The following ZFP64 variants were observed in gnomAD, a reference collection of about 807,000 sequenced individuals.
The protein encoded by ZFP64 is zinc finger protein 64.
ZFP64 carries 14 observed loss-of-function variants against 51.6 expected under a neutral mutation model. The observed-to-expected ratio is 0.27, with a 90% CI of 0.18 to 0.42. ZFP64 has a LOEUF of 0.42. ZFP64 is among the 10% of genes least tolerant of loss of function. The pLI is 1.00. For missense variants in ZFP64, 754 were observed against 906.8 expected (o/e 0.83, Z 2.16); for synonymous variants, 375 against 361.4 (o/e 1.04, Z -0.43).
chr20:52,148,374 G>A (rs1353278863), downstream of ZFP64, among the ~76,000 whole-genome samples: 11 of 152,160 alleles, frequency 7.2e-5, no homozygotes, highest in African/African-American at 4.8e-5. Context: ...TTTAACAAAT[G>A]GTCCTGGCAT....
intron 5 of ZFP64, among the ~76,000 whole-genome samples, chr20:52,136,324 G>A (rs1395968763): frequency 2.6e-5 from 4 of 152,156 alleles, no homozygotes; most frequent in Admixed American, 2.6e-4. Flanking sequence ...CAGCATCAAT[G>A]TTGAGAAGGC....
chr20:52,141,233 G>C (rs1193805507), intron 5 of ZFP64, among the ~76,000 whole-genome samples: 4 of 152,056 alleles, frequency 2.6e-5, no homozygotes, highest in African/African-American at 9.7e-5. Flanking sequence ...TGGATGAGGG[G>C]GTAATTTTGA....
intron 5 of ZFP64, chr20:52,105,448 C>G: frequency 9.5e-7 from 1 of 1,049,154 alleles, no homozygotes; most frequent in Non-Finnish European, 1.2e-6. Flanking sequence ...CGGTCCGCTC[C>G]CGGGCAGCCC....
chr20:52,145,854 T>C (rs1484383010), intron 5 of ZFP64, among the ~76,000 whole-genome samples: 1 of 152,132 alleles, frequency 6.6e-6, no homozygotes, highest in Non-Finnish European at 1.5e-5. Context: ...TAGACTACTC[T>C]AAATTTATTA....
At position 52,153,683 on chromosome 20, in the gene ZFP64, A is replaced by G. The variant is rs1475126306; in HGVS notation, c.764-255T>C. 2.6e-5 allele frequency among the ~76,000 whole-genome samples: 4 copies of G among 152,264 alleles called. No individual in the cohort carries two copies. Among genetic ancestry groups the G allele is most frequent in the Admixed American group, 2.6e-4 (4 of 15,294 alleles). On this transcript the variant is annotated intron_variant, in intron 5 of 5. Coordinates refer to ENST00000216923, the MANE Select transcript of ZFP64 (RefSeq NM_018197.3). The surrounding 1 kb of genome is among the most constrained non-coding windows in gnomAD (Gnocchi z 5.1). ...GAAAAGAGCAATTTAATTGTCCCAGATAAAATAAGATTTACAAGTATACTT... is the reference window on the plus strand; with the variant it reads ...GAAAAGAGCAATTTAATTGTCCCAGGTAAAATAAGATTTACAAGTATACTT...
intron 5 of ZFP64, among the ~76,000 whole-genome samples, chr20:52,139,500 G>T (rs1462390068): frequency 6.6e-6 from 1 of 152,138 alleles, no homozygotes; most frequent in Admixed American, 6.6e-5. Flanking sequence ...GGTTCTACTT[G>T]AAGATGGAGG....
downstream of ZFP64, among the ~76,000 whole-genome samples, chr20:52,149,845 A>C (rs1980701618): frequency 6.6e-6 from 1 of 152,234 alleles, no homozygotes; most frequent in Non-Finnish European, 1.5e-5. Context: ...TAGAATATAA[A>C]AAATATTATG....
At position 52,151,799 on chromosome 20, in the gene ZFP64, C is replaced by G. The variant is rs924224573; in HGVS notation, c.*347G>C. The G allele has an allele frequency of 5.6e-6, 6 of 1,073,762 alleles. No individual in the cohort carries two copies. In the African/African-American group the frequency reaches 9.9e-5, roughly 18 times the overall value. 66.5% of individuals were successfully genotyped at this position (1,073,762 alleles called of 1,614,324 possible). A position where few individuals can be genotyped will look rare whatever the true frequency, so the allele number is the denominator to read the frequency against. On this transcript the variant is annotated 3_prime_UTR_variant, in exon 6 of 6. Coordinates refer to ENST00000216923, the MANE Select transcript of ZFP64 (RefSeq NM_018197.3). ...AGGCATGGTGGCTCACACCTGTAAT[C>G]CCAGCACTTTGGGAGGCTGAGGTGG... is the stretch of plus-strand genomic sequence containing the variant.
chr20:52,102,389 G>C (rs1337011211), intron 5 of ZFP64, among the ~76,000 whole-genome samples: 1 of 152,070 alleles, frequency 6.6e-6, no homozygotes, highest in African/African-American at 2.4e-5. Context: ...AGTTGATGCC[G>C]ATGCTGGTCT....
chr20:52,087,689 T>G (rs1296072735), intron 8 of ZFP64, among the ~76,000 whole-genome samples: 1 of 152,230 alleles, frequency 6.6e-6, no homozygotes, highest in Non-Finnish European at 1.5e-5. Context: ...TTGCCAGGCC[T>G]TGGCTAGTCC....
intron 5 of ZFP64, among the ~76,000 whole-genome samples, chr20:52,117,898 C>G (rs1978963044): frequency 6.6e-6 from 1 of 152,002 alleles, no homozygotes; most frequent in Admixed American, 6.6e-5. Context: ...CAGCCTTAAG[C>G]CATCCTCCTG....
chr20:52,098,721 T>G, intron 5 of ZFP64: 1 of 1,217,528 alleles, frequency 8.2e-7, no homozygotes, highest in South Asian at 1.5e-5. Flanking sequence ...GAAAGCCATG[T>G]GACCAGGCGG....
At chr20:52,159,353 T>C (rs1292525712) in intron 5 of ZFP64, among the ~76,000 whole-genome samples, 1 of 152,198 alleles carries the variant, frequency 6.6e-6, no homozygotes, top group Non-Finnish European at 1.5e-5. Flanking sequence ...TCAAAAATGA[T>C]TGGAATGCCT....
chr20:52,134,515 C>T (rs1162778135), intron 5 of ZFP64, among the ~76,000 whole-genome samples: 2 of 152,190 alleles, frequency 1.3e-5, no homozygotes, highest in African/African-American at 4.8e-5. Flanking sequence ...GGACTGACAA[C>T]TTTTCAGCCT....
rs1434081158 is a variant in ZFP64, at chr20:52,181,391, G to A, written c.286+5441C>T. Among the ~76,000 whole-genome samples, 5 of 152,200 alleles carry A rather than the reference G, an allele frequency of 3.3e-5. No homozygotes were observed. The South Asian group carries it at 1.0e-3, about 32-fold the overall frequency. Reference sequence around the variant, plus strand: ...ATTTGAAGCCATGAACTTAGAAAATGCACATGGGATATATTTCCATGAGCA... The same window carrying A: ...ATTTGAAGCCATGAACTTAGAAAATACACATGGGATATATTTCCATGAGCA... On this transcript the variant is annotated intron_variant, in intron 2 of 5. Transcript: ENST00000216923.
At position 52,152,654 on chromosome 20, in the gene ZFP64, T is replaced by C. The variant is rs1600759820; in HGVS notation, c.1538A>G (p.Gln513Arg). ...GATGTTCACTGCAGCGGCGGCAGCC[T>C]GGACGATGGTGTTCGCCTGGGGCAC... ...HQVPQANTIVQAAAAAVNIVP... is the reference protein window; with the variant it reads ...HQVPQANTIVRAAAAAVNIVP... Residue 513 changes from glutamine (Q) to arginine (R), a missense_variant, in exon 6 of 6, where the codon CAG (glutamine) becomes CGG (arginine). Physicochemically the swap from Gln to Arg is conservative, Grantham distance 43. Transcript: ENST00000216923. The C allele has an allele frequency of 6.5e-7, 1 of 1,534,132 alleles. No individual in the cohort carries two copies.
intron 5 of ZFP64, among the ~76,000 whole-genome samples, chr20:52,142,636 T>C (rs1980329647): frequency 6.6e-6 from 1 of 151,398 alleles, no homozygotes; most frequent in Non-Finnish European, 1.5e-5. Context: ...GGTTAGGAGT[T>C]TGAGACCAGC....
chr20:52,107,214 C>CT (rs1383923123), intron 5 of ZFP64, among the ~76,000 whole-genome samples: 4 of 152,190 alleles, frequency 2.6e-5, no homozygotes, highest in African/African-American at 9.6e-5. Context: ...TGGGAGACAT[C>CT]TGAGACCCTC....
chr20:52,088,909 C>A, intron 7 of ZFP64: 1 of 620,778 alleles, frequency 1.6e-6, no homozygotes, highest in Non-Finnish European at 3.0e-6. Context: ...GGAAAAATGG[C>A]AGTGGTTATA....
Sources: gnomAD v4.1 joint callset for allele counts (sites outside exome capture counted in the v4.1 genomes callset) on GRCh38, gnomAD v4.1.1 for gene constraint, Gnocchi (gnomAD v3.1) non-coding constraint, MANE v1.5 for transcripts, NCBI Gene and HGNC (gene_info 2026-07-23, HGNC 2026-07-21) for gene names.